The following BSN variants were observed in gnomAD, a reference collection of about 807,000 sequenced individuals.
The protein encoded by BSN is bassoon presynaptic cytomatrix protein.
Under a neutral mutation model 264.8 loss-of-function variants are expected in BSN, and 57 were observed. The ratio of observed to expected loss-of-function variants is 0.22; its 90% confidence interval spans 0.17 to 0.27. The LOEUF is 0.27. Ranked by LOEUF, BSN falls within the 10% of genes least tolerant of loss-of-function variation. The pLI is 1.00. For synonymous variants in BSN, 2,059 were observed against 2,137.3 expected (o/e 0.96, Z 1.01); for missense variants, 4,615 against 5,232.5 (o/e 0.88, Z 3.64).
rs756936306 is a variant in BSN at position 49,661,963 on chromosome 3, C to T, written c.10118C>T (p.Ser3373Leu). 8 of 1,613,978 alleles carry T rather than the reference C, an allele frequency of 5.0e-6. No individual in the cohort carries two copies. Among genetic ancestry groups the T allele is most frequent in the South Asian group, 2.2e-5 (2 of 91,080 alleles). The change falls in exon 6 of 12, where the codon TCG becomes TTG. Residue 3373 changes from serine (S) to leucine (L), a missense_variant. Coordinates refer to ENST00000296452, the MANE Select transcript of BSN (RefSeq NM_003458.4). ...ATGGAGCAAAAGATATCCAAGTTCTCGCCTATTGAAGAGGCCAAAGACGTA... is the reference window on the plus strand; with the variant it reads ...ATGGAGCAAAAGATATCCAAGTTCTTGCCTATTGAAGAGGCCAAAGACGTA... ...QGMEQKISKFSPIEEAKDVES... is the reference protein window; with the variant it reads ...QGMEQKISKFLPIEEAKDVES...
Position 49,638,053 on chromosome 3 carries a change from G to A in BSN, c.634-4215G>A, listed in dbSNP as rs2052432412. 6.6e-6 allele frequency among the ~76,000 whole-genome samples: 1 copy of A among 152,262 alleles called. No homozygotes were observed. The highest frequency in any genetic ancestry group is 1.5e-5 in the Non-Finnish European group (1 of 68,046). On this transcript the variant is annotated intron_variant, in intron 2 of 11. Coordinates refer to ENST00000296452, the MANE Select transcript of BSN (RefSeq NM_003458.4). This position sits in a 1 kb window ranked among gnomAD's most constrained non-coding sequence, Gnocchi z 4.3. ...GGTAGCCTGCACATCTCCTGCCCAT[G>A]TGCCAGATCAGGATCTTGGAGGTAT... is the stretch of plus-strand genomic sequence containing the variant.
chr3:49,624,990 G>T lies in BSN; in HGVS notation c.240G>T (p.Leu80=). 1 of 1,525,928 alleles carries T rather than the reference G, an allele frequency of 6.6e-7. No individual in the cohort carries two copies. The highest frequency in any genetic ancestry group is 8.8e-7 in the Non-Finnish European group (1 of 1,138,036). The allele number at this position is 1,525,928 out of a possible 1,614,324, so 94.5% of individuals were successfully genotyped here. A position where few individuals can be genotyped will look rare whatever the true frequency, so the allele number is the denominator to read the frequency against. Residue 80 remains leucine (L), a synonymous_variant, in exon 2 of 12, where the codon CTG becomes CTT. Coordinates refer to ENST00000296452, the MANE Select transcript of BSN (RefSeq NM_003458.4). ...GTCATTTCAGCACTTCCCGGAGACT[G>T]GACCCCAAGGAACCCCTGGGTAACC... The part of the protein sequence containing the change: ...GPGPGSTSRR[L]DPKEPLGNQR...
intron 1 of BSN, among the ~76,000 whole-genome samples, chr3:49,575,179 T>A (rs1379337253): frequency 5.9e-5 from 9 of 151,614 alleles, no homozygotes; most frequent in African/African-American, 1.9e-4. Flanking sequence ...AATGGCAAAA[T>A]CCCATCTCTA....
At position 49,628,959 on chromosome 3, in the gene BSN, G is replaced by A. The variant is rs189911323; in HGVS notation, c.633+3576G>A. Among the ~76,000 whole-genome samples, 56 of 152,256 alleles carry A rather than the reference G, an allele frequency of 3.7e-4. No individual in the cohort carries two copies. The East Asian group carries it at 8.1e-3, about 22-fold the overall frequency. On this transcript the variant is annotated intron_variant, in intron 2 of 11. Transcript: ENST00000296452. ...CCAGTCCTCGTAGCTCAGGGCAAGC[G>A]AGTAATTTAACCTGTCCGAAACCAC...
At chr3:49,559,542 A>G (rs1237299890) in intron 1 of BSN, among the ~76,000 whole-genome samples, 1 of 152,180 alleles carries the variant, frequency 6.6e-6, no homozygotes, top group Non-Finnish European at 1.5e-5. Flanking sequence ...GCAAATATTC[A>G]GTCAGGATTC....
rs756594952 is a variant in BSN, at chr3:49,657,271, C to T, written c.7715C>T (p.Thr2572Ile). The T allele has an allele frequency of 6.2e-7, 1 of 1,613,334 alleles. No individual in the cohort carries two copies. Among genetic ancestry groups the T allele is most frequent in the Admixed American group, 1.7e-5 (1 of 60,002 alleles). The part of the protein sequence containing the change: ...LRDACELESG[T>I]EPCVVRRIAD... ...GATGCCTGTGAGCTAGAGTCTGGGA[C>T]TGAGCCCTGTGTGGTCAGGAGGATT... Residue 2572 changes from threonine to isoleucine, a missense_variant, in exon 5 of 12, where the codon ACT becomes ATT. Around this residue, in one of 3 missense-constraint regions of BSN, gnomAD observed 3,415 missense variants for 3,866.4 expected, o/e 0.88. Coordinates refer to ENST00000296452, the MANE Select transcript of BSN (RefSeq NM_003458.4).
At chr3:49,620,396 G>C (rs2052295417) in intron 1 of BSN, among the ~76,000 whole-genome samples, 1 of 151,398 alleles carries the variant, frequency 6.6e-6, no homozygotes, top group Non-Finnish European at 1.5e-5. Flanking sequence ...CTGTACTCCA[G>C]CCTGGGCGAC....
At chr3:49,637,896 C>T (rs2052430850) in intron 2 of BSN, among the ~76,000 whole-genome samples, 1 of 152,220 alleles carries the variant, frequency 6.6e-6, no homozygotes, top group Non-Finnish European at 1.5e-5. Flanking sequence ...GAGGTCCCTA[C>T]CAGTCCTTGG....
At chr3:49,583,769 C>T (rs936464200) in intron 1 of BSN, among the ~76,000 whole-genome samples, 5 of 152,060 alleles carry the variant, frequency 3.3e-5, no homozygotes, top group Non-Finnish European at 7.4e-5. Context: ...TCATTTCTTC[C>T]TGAGTCAGTT....
chr3:49,626,235 G>A (rs916428553), intron 2 of BSN, among the ~76,000 whole-genome samples: 1 of 152,176 alleles, frequency 6.6e-6, no homozygotes. Context: ...GGGAGTAGAA[G>A]CCTCTGTTTC....
intron 1 of BSN, among the ~76,000 whole-genome samples, chr3:49,579,214 C>T (rs1272561648): frequency 6.6e-6 from 1 of 151,092 alleles, no homozygotes; most frequent in African/African-American, 2.4e-5. Flanking sequence ...GTCTCAAATT[C>T]ATGGCTTCAA....
At chr3:49,602,445 A>ATT (rs752244991) in intron 1 of BSN, among the ~76,000 whole-genome samples, 16 of 139,032 alleles carry the variant, frequency 1.2e-4, no homozygotes, top group East Asian at 2.1e-4. Flanking sequence ...CTCTCTTTAA[A>ATT]TTTTTTTTTT....
intron 5 of BSN, among the ~76,000 whole-genome samples, chr3:49,658,922 C>T (rs1230437452): frequency 6.6e-6 from 1 of 152,136 alleles, no homozygotes; most frequent in East Asian, 1.9e-4. Context: ...GGGCCTAATG[C>T]CAACAACTGA....
At position 49,628,606 on chromosome 3, in the gene BSN, G is replaced by C. The variant is rs553245024; in HGVS notation, c.633+3223G>C. On this transcript the variant is annotated intron_variant, in intron 2 of 11. Transcript: ENST00000296452. The stretch of plus-strand genomic sequence containing the variant: ...CACCATTCTGCCCATCCAGCAGAGA[G>C]CAGGAGGCCTGCCCATGTAGTTTGC... Among the ~76,000 whole-genome samples the C allele has an allele frequency of 3.3e-5, 5 of 152,332 alleles. No individual in the cohort carries two copies. The East Asian group carries it at 5.8e-4, about 18-fold the overall frequency.
rs200763649 is a variant in BSN at position 49,671,141 on chromosome 3, TGTGC to T, written c.*3672_*3675del. The T allele has an allele frequency of 2.7e-3, 399 of 147,082 alleles. 2 individuals are homozygous for T. The highest frequency in any genetic ancestry group is 6.9e-3 in the Middle Eastern group (2 of 288). 9.1% of individuals were successfully genotyped at this position (147,082 alleles called of 1,614,324 possible). ...GTGTATGCACATGATCATGTGTGTA[TGTGC>T]GTGCGTGCGTGCGTGTGTGTGTGTG... is the stretch of plus-strand genomic sequence containing the variant. On this transcript the variant is annotated 3_prime_UTR_variant, in exon 12 of 12. Transcript: ENST00000296452. The surrounding 1 kb of genome is among the most constrained non-coding windows in gnomAD (Gnocchi z 4.1).
chr3:49,637,950 A>G (rs2052431396), intron 2 of BSN, among the ~76,000 whole-genome samples: 1 of 152,236 alleles, frequency 6.6e-6, no homozygotes, highest in Non-Finnish European at 1.5e-5. Flanking sequence ...GAGTCAGCTC[A>G]TTCAAAGCTA....
At chr3:49,621,494 A>C (rs973439482) in intron 1 of BSN, among the ~76,000 whole-genome samples, 2 of 152,204 alleles carry the variant, frequency 1.3e-5, no homozygotes, top group African/African-American at 4.8e-5. Context: ...GAAGGCAAAT[A>C]GTGAACTTAT....
In BSN at chr3:49,657,943, C is replaced by T. The variant is rs775959636; in HGVS notation, c.8387C>T (p.Ser2796Leu). 13 of 1,613,062 alleles carry T rather than the reference C, an allele frequency of 8.1e-6. No homozygotes were observed. In the Admixed American group the frequency reaches 2.0e-4, roughly 25 times the overall value. The change falls in exon 5 of 12, where the codon TCA (serine) becomes TTA (leucine). Residue 2796 changes from serine (S) to leucine (L), a missense_variant. By Grantham distance (145) the Ser-to-Leu change is moderately radical. Transcript: ENST00000296452. ...QPPKSPQVLY[S>L]PVSPLSPHRL... ...CCCAAGTCCCCTCAGGTCCTCTACTCACCAGTCTCACCCCTGTCCCCTCAC... is the reference window on the plus strand; with the variant it reads ...CCCAAGTCCCCTCAGGTCCTCTACTTACCAGTCTCACCCCTGTCCCCTCAC...
chr3:49,638,172 G>A lies in BSN; in HGVS notation c.634-4096G>A, dbSNP rs1313708650. The stretch of plus-strand genomic sequence containing the variant: ...GAGAGCCAGCTTGGAGAGGGCCTAG[G>A]AGCCACAGGGAGCCTTCTGGGTTCA... On this transcript the variant is annotated intron_variant, in intron 2 of 11. Coordinates refer to ENST00000296452, the MANE Select transcript of BSN (RefSeq NM_003458.4). The surrounding 1 kb of genome is among the most constrained non-coding windows in gnomAD (Gnocchi z 4.3). 1.3e-5 allele frequency among the ~76,000 whole-genome samples: 2 copies of A among 152,190 alleles called. No homozygotes were observed. Among genetic ancestry groups the A allele is most frequent in the Non-Finnish European group, 2.9e-5 (2 of 68,012 alleles).
Sources: gnomAD v4.1 joint callset for allele counts (sites outside exome capture counted in the v4.1 genomes callset) on GRCh38, gnomAD v4.1.1 for gene constraint, gnomAD v4.1.1 regional missense constraint, Gnocchi (gnomAD v3.1) non-coding constraint, MANE v1.5 for transcripts, NCBI Gene and HGNC (gene_info 2026-07-23, HGNC 2026-07-21) for gene names.